IGF2R: variants seen among roughly 807,000 people sequenced by gnomAD.
IGF2R encodes the protein insulin like growth factor 2 receptor.
IGF2R carries 91 observed loss-of-function variants against 270.6 expected under a neutral mutation model. That is an observed-to-expected ratio of 0.34 (90% CI 0.28 to 0.40). The LOEUF (loss-of-function observed/expected upper bound fraction) is 0.40, where lower values mean the gene tolerates loss of function less well. Among genes scored for constraint, IGF2R ranks in the 10% least tolerant of loss-of-function variants. The pLI, the probability that IGF2R is intolerant of heterozygous loss-of-function variation, is 1.00. For synonymous variants in IGF2R, 1,316 were observed against 1,258.9 expected (o/e 1.05, Z -0.96); for missense variants, 2,805 against 3,188.3 (o/e 0.88, Z 2.90).
In IGF2R at chr6:160,032,999, A is replaced by T; in HGVS notation, c.1103A>T (p.Glu368Val). The T allele has an allele frequency of 6.2e-7, 1 of 1,603,800 alleles. No homozygotes were observed. The highest frequency in any genetic ancestry group is 1.7e-5 in the Admixed American group (1 of 59,998). ...EYLFYLNVCG[E>V]TEIQFCNKKQ... is the part of the protein sequence containing the mutation. ...TTGTTTTATTTGAATGTCTGTGGAGAAACTGAAATACAGTTCTGTAATAAA... is the reference window on the plus strand; with the variant it reads ...TTGTTTTATTTGAATGTCTGTGGAGTAACTGAAATACAGTTCTGTAATAAA... Residue 368 changes from glutamate to valine, a missense_variant, in exon 9 of 48, where the codon GAA becomes GTA. This residue lies in a region of IGF2R where 954 missense variants were observed against 981.1 expected (regional missense o/e 0.97). Coordinates refer to ENST00000356956, the MANE Select transcript of IGF2R (RefSeq NM_000876.4).
Position 160,040,591 on chromosome 6 carries a change from A to G in IGF2R, c.1347A>G (p.Thr449=), listed in dbSNP as rs1176183109. Residue 449 remains threonine, a synonymous_variant, in exon 11 of 48, where the codon ACA becomes ACG. Transcript: ENST00000356956. ...GNDGKGTPVF[T]GEVDCTYFFT... Reference sequence around the variant, plus strand: ...ATGGGAAAGGAACTCCTGTATTCACAGGGGAGGTTGACTGCACCTACTTCT... The same window carrying G: ...ATGGGAAAGGAACTCCTGTATTCACGGGGGAGGTTGACTGCACCTACTTCT... 3 of 1,614,018 alleles carry G rather than the reference A, an allele frequency of 1.9e-6. No homozygotes were observed. In the African/African-American group the frequency reaches 4.0e-5, roughly 22 times the overall value.
At chr6:160,008,607 T>C (rs564580236) in intron 2 of IGF2R, among the ~76,000 whole-genome samples, 1 of 152,278 alleles carries the variant, frequency 6.6e-6, no homozygotes, top group East Asian at 1.9e-4. Context: ...ATATCCTGAT[T>C]TGTATTTTTG....
chr6:160,092,100 G>C (rs1174965155), intron 44 of IGF2R, among the ~76,000 whole-genome samples: 1 of 146,168 alleles, frequency 6.8e-6, no homozygotes, highest in Non-Finnish European at 1.5e-5. Context: ...TGTGTCTGCA[G>C]GATTCCAAAC....
At position 160,061,897 on chromosome 6, in the gene IGF2R, C is replaced by G. The variant is rs8191844; in HGVS notation, c.3551C>G (p.Thr1184Ser). 2,806 of 1,614,126 alleles carry G rather than the reference C, an allele frequency of 1.7e-3. 47 individuals carry two copies. The African/African-American group carries it at 0.033, about 19-fold the overall frequency. ...GDKCGNQRFS[T>S]RITFECAQIS... is the part of the protein sequence containing the mutation. ...AAGTGTGGGAACCAGCGCTTCTCCA[C>G]CAGGATCACGTTTGAGTGTGCTCAG... The change falls in exon 25 of 48, where the codon ACC (threonine) becomes AGC (serine). Residue 1184 changes from threonine (T) to serine (S), a missense_variant. Coordinates refer to ENST00000356956, the MANE Select transcript of IGF2R (RefSeq NM_000876.4).
intron 4 of IGF2R, among the ~76,000 whole-genome samples, chr6:160,012,776 T>G (rs1457741085): frequency 1.0e-4 from 14 of 140,492 alleles, no homozygotes; most frequent in South Asian, 2.2e-4. Flanking sequence ...TTTTTTTTTT[T>G]TTGTTTGTTT....
chr6:160,098,089 A>G (rs1285561781), intron 45 of IGF2R, among the ~76,000 whole-genome samples: 1 of 152,220 alleles, frequency 6.6e-6, no homozygotes, highest in Non-Finnish European at 1.5e-5. Context: ...CTTTCCCTGC[A>G]TTCTCTGTCA....
At chr6:160,104,103 C>T (rs947072642) in intron 47 of IGF2R, among the ~76,000 whole-genome samples, 2 of 151,934 alleles carry the variant, frequency 1.3e-5, no homozygotes, top group East Asian at 3.8e-4. Context: ...AACACACACA[C>T]ACACAGTAGT....
intron 1 of IGF2R, among the ~76,000 whole-genome samples, chr6:159,987,891 A>G (rs1452755979): frequency 2.6e-5 from 4 of 152,176 alleles, no homozygotes; most frequent in African/African-American, 9.7e-5. Context: ...TGAGGTTGCC[A>G]GGCCTGGAGG....
chr6:160,059,739 C>T (rs959369617), intron 22 of IGF2R, among the ~76,000 whole-genome samples: 3 of 152,222 alleles, frequency 2.0e-5, no homozygotes, highest in South Asian at 2.1e-4. Context: ...CTGCTCTTCC[C>T]GCTTGGCCCG....
intron 36 of IGF2R, among the ~76,000 whole-genome samples, chr6:160,077,597 A>G (rs1306307821): frequency 1.3e-5 from 2 of 152,258 alleles, no homozygotes; most frequent in East Asian, 1.9e-4. Flanking sequence ...CGTTCCAGAA[A>G]GATTTTTAGA....
intron 12 of IGF2R, among the ~76,000 whole-genome samples, 189 bp from the exon 13 acceptor site, chr6:160,044,325 G>A (rs1032048439): frequency 2.0e-5 from 3 of 152,184 alleles, no homozygotes; most frequent in African/African-American, 2.4e-5. Context: ...CTAGCCAAAC[G>A]TGGCACTCTA....
At chr6:160,073,518 G>A (rs1458094117) in intron 34 of IGF2R, 49 bp downstream of exon 34, 2 of 1,598,854 alleles carry the variant, frequency 1.3e-6, no homozygotes, top group Non-Finnish European at 1.7e-6. Flanking sequence ...GTGCCTGGCT[G>A]CACCCGGGCC....
At chr6:160,062,967 A>G (rs1778473901) in intron 26 of IGF2R, among the ~76,000 whole-genome samples, 1 of 128,406 alleles carries the variant, frequency 7.8e-6, no homozygotes, top group Non-Finnish European at 1.7e-5. Context: ...TATTATATAT[A>G]AACAAAATCA....
intron 18 of IGF2R, among the ~76,000 whole-genome samples, chr6:160,049,291 C>G (rs1347514644): frequency 6.6e-6 from 1 of 152,158 alleles, no homozygotes; most frequent in East Asian, 1.9e-4. Context: ...CATCTGTGAA[C>G]TTGCCTACTT....
Position 160,022,934 on chromosome 6 carries a change from T to C in IGF2R, c.514-1638T>C, listed in dbSNP as rs556166105. Among the ~76,000 whole-genome samples the C allele has an allele frequency of 5.3e-5, 8 of 152,224 alleles. No individual in the cohort carries two copies. In the East Asian group the frequency reaches 1.5e-3, roughly 29 times the overall value. On this transcript the variant is annotated intron_variant, in intron 4 of 47. Coordinates refer to ENST00000356956, the MANE Select transcript of IGF2R (RefSeq NM_000876.4). ...ACTTTTGAGTTTCAGGAGGGTAGAATTGCATCAAGAGGTGAGTGTGGCTGC... is the reference window on the plus strand; with the variant it reads ...ACTTTTGAGTTTCAGGAGGGTAGAACTGCATCAAGAGGTGAGTGTGGCTGC...
rs1019592347 is a variant in IGF2R at position 160,106,346 on chromosome 6, T to C, written c.*1262T>C. 5.2e-5 allele frequency: 8 copies of C among 152,622 alleles called. No homozygotes were observed. Among genetic ancestry groups the C allele is most frequent in the Admixed American group, 3.9e-4 (6 of 15,264 alleles). 9.5% of individuals were successfully genotyped at this position (152,622 alleles called of 1,614,324 possible). On this transcript the variant is annotated 3_prime_UTR_variant, in exon 48 of 48. Transcript: ENST00000356956. Reference sequence around the variant, plus strand: ...TGTTTAGTGAATGACTTTTCTCGCATTGTAGAATTGTATATAGACTCTGGT... The same window carrying C: ...TGTTTAGTGAATGACTTTTCTCGCACTGTAGAATTGTATATAGACTCTGGT...
rs146110381 is a variant in IGF2R, at chr6:160,064,880, A to G, written c.4094A>G (p.Asp1365Gly). The G allele has an allele frequency of 1.7e-4, 271 of 1,610,872 alleles. 1 individual carries two copies. In the Middle Eastern group the frequency reaches 5.1e-3, roughly 30 times the overall value. ...ACGCAGTATGCCTGCCCACCTTTCG[A>G]TCTGACTGAATGTTCATTCAAGTAA... ...WRTQYACPPF[D>G]LTECSFKDGA... is the part of the protein sequence containing the mutation. Residue 1365 changes from aspartate (D) to glycine (G), a missense_variant, in exon 29 of 48, where the codon GAT (aspartate) becomes GGT (glycine). This residue lies in a region of IGF2R where 1,851 missense variants were observed against 2,207.2 expected (regional missense o/e 0.84). Transcript: ENST00000356956.
chr6:160,102,969 C>T lies in IGF2R; in HGVS notation c.6995+298C>T, dbSNP rs1779522874. On this transcript the variant is annotated intron_variant, in intron 46 of 47. Coordinates refer to ENST00000356956, the MANE Select transcript of IGF2R (RefSeq NM_000876.4). The surrounding 1 kb of genome is among the most constrained non-coding windows in gnomAD (Gnocchi z 4.5). ...ATTAAACGGCACCTTTCATGGGTGC[C>T]TTTTCCCACTGAGCAGCTGACCCCT... is the stretch of plus-strand genomic sequence containing the variant. Among the ~76,000 whole-genome samples the T allele has an allele frequency of 6.6e-6, 1 of 152,154 alleles. No individual in the cohort carries two copies. The highest frequency in any genetic ancestry group is 1.5e-5 in the Non-Finnish European group (1 of 68,022).
At chr6:160,065,416 C>T (rs1778547428) in intron 29 of IGF2R, among the ~76,000 whole-genome samples, 1 of 152,240 alleles carries the variant, frequency 6.6e-6, no homozygotes. Context: ...GGGGAAAGTG[C>T]AGGTGATTCT....
Sources: gnomAD v4.1 joint callset for allele counts (sites outside exome capture counted in the v4.1 genomes callset) on GRCh38, gnomAD v4.1.1 for gene constraint, gnomAD v4.1.1 regional missense constraint, Gnocchi (gnomAD v3.1) non-coding constraint, MANE v1.5 for transcripts, NCBI Gene and HGNC (gene_info 2026-07-23, HGNC 2026-07-21) for gene names.